CPPED1: variants seen among roughly 807,000 people sequenced by gnomAD.
The protein encoded by CPPED1 is calcineurin like phosphoesterase domain containing 1, also known as serine/threonine-protein phosphatase CPPED1.
CPPED1 carries 28 observed loss-of-function variants against 28.0 expected under a neutral mutation model. That is an observed-to-expected ratio of 1.00 (90% CI 0.74 to 1.37). The LOEUF is 1.37. CPPED1 is among the 40% of genes most tolerant of loss of function. CPPED1 has a pLI of 0.00. For synonymous variants in CPPED1, 198 were observed against 180.2 expected (o/e 1.10, Z -0.79); for missense variants, 504 against 416.5 (o/e 1.21, Z -1.83).
At chr16:12,686,601 G>C (rs1465358248) in intron 3 of CPPED1, among the ~76,000 whole-genome samples, 1 of 152,190 alleles carries the variant, frequency 6.6e-6, no homozygotes, top group Non-Finnish European at 1.5e-5. Context: ...CAGGTCCAAA[G>C]GCAGTGAGTG....
intron 2 of CPPED1, among the ~76,000 whole-genome samples, chr16:12,751,183 G>T (rs1283884055): frequency 1.3e-5 from 2 of 152,158 alleles, no homozygotes; most frequent in Non-Finnish European, 2.9e-5. Context: ...CTTACCTCTG[G>T]AGGGAAGCAG....
chr16:12,740,513 G>A (rs927913677), intron 2 of CPPED1, among the ~76,000 whole-genome samples: 2 of 151,796 alleles, frequency 1.3e-5, no homozygotes, highest in African/African-American at 4.8e-5. Context: ...TACCAATCAT[G>A]ACTAATTAGG....
intron 2 of CPPED1, among the ~76,000 whole-genome samples, chr16:12,722,643 T>C (rs561110740): frequency 1.3e-5 from 2 of 152,258 alleles, no homozygotes; most frequent in African/African-American, 2.4e-5. Context: ...GAGGCTCACC[T>C]GAGCCTGGGG....
At chr16:12,757,315 C>G (rs906297790) in intron 2 of CPPED1, among the ~76,000 whole-genome samples, 1 of 152,060 alleles carries the variant, frequency 6.6e-6, no homozygotes, top group Non-Finnish European at 1.5e-5. Context: ...AAGACAGATT[C>G]CAAAGCATAA....
At chr16:12,704,278 C>T (rs556205737) in intron 3 of CPPED1, among the ~76,000 whole-genome samples, 7 of 152,328 alleles carry the variant, frequency 4.6e-5, no homozygotes, top group Admixed American at 3.9e-4. Flanking sequence ...ATAAACCCCT[C>T]CTGCCACTTC....
At chr16:12,694,031 C>T (rs1044797090) in intron 3 of CPPED1, among the ~76,000 whole-genome samples, 4 of 152,102 alleles carry the variant, frequency 2.6e-5, no homozygotes, top group African/African-American at 9.7e-5. Context: ...CATGGTGAAA[C>T]CCTATAGCTT....
chr16:12,675,584 A>T (rs2079873766), intron 3 of CPPED1, among the ~76,000 whole-genome samples: 1 of 152,260 alleles, frequency 6.6e-6, no homozygotes, highest in African/African-American at 2.4e-5. Flanking sequence ...GGAAATTGAG[A>T]TGCAACCCAG....
chr16:12,714,250 G>A (rs1390055047), intron 2 of CPPED1, among the ~76,000 whole-genome samples: 1 of 152,158 alleles, frequency 6.6e-6, no homozygotes, highest in Non-Finnish European at 1.5e-5. Flanking sequence ...AAATCCACGT[G>A]CAAGTTTTTC....
rs78888065 is a variant in CPPED1 at position 12,794,420 on chromosome 16, A to G, written c.70+9287T>C. 8.6e-4 allele frequency among the ~76,000 whole-genome samples: 126 copies of G among 146,258 alleles called. 1 individual carries two copies. The highest frequency in any genetic ancestry group is 3.1e-3 in the African/African-American group (123 of 40,104). Reference sequence around the variant, plus strand: ...AGGGTATGCTAACAGTTGTTAAAGGAAAAAAAAAAAATAGTGTCCTTCAGG... The same window carrying G: ...AGGGTATGCTAACAGTTGTTAAAGGGAAAAAAAAAAATAGTGTCCTTCAGG... On this transcript the variant is annotated intron_variant, in intron 1 of 3. Transcript: ENST00000381774.
chr16:12,739,676 T>A (rs2080244231), intron 2 of CPPED1, among the ~76,000 whole-genome samples: 2 of 152,184 alleles, frequency 1.3e-5, no homozygotes, highest in Admixed American at 1.3e-4. Flanking sequence ...TCCTCCTTTT[T>A]CTCCCATTTT....
chr16:12,781,503 A>G (rs574917625), intron 1 of CPPED1, 100 bp from the exon 2 acceptor site: 4 of 989,658 alleles, frequency 4.0e-6, no homozygotes, highest in African/African-American at 3.3e-5. Flanking sequence ...TTTTTCTTAA[A>G]TTAAGTAGGT....
Position 12,728,543 on chromosome 16 carries a change from T to G in CPPED1, c.290-23494A>C, listed in dbSNP as rs147271910. 1.5e-3 allele frequency among the ~76,000 whole-genome samples: 225 copies of G among 151,764 alleles called. 1 individual carries two copies. Among genetic ancestry groups the G allele is most frequent in the African/African-American group, 5.1e-3 (212 of 41,368 alleles). ...AACATTTCCTGAGCTGCCCAGAAAG[T>G]CACTCTACAGAATAAATCATGAATA... On this transcript the variant is annotated intron_variant, in intron 2 of 3. Transcript: ENST00000381774.
Position 12,662,355 on chromosome 16 carries a change from G to C in CPPED1, c.*2531C>G, listed in dbSNP as rs1247304243. ...CTGCTGTTTGCTTACTTAAAAAGTGGTGAGAAATTAATATGATTCTCTCTT... is the reference window on the plus strand; with the variant it reads ...CTGCTGTTTGCTTACTTAAAAAGTGCTGAGAAATTAATATGATTCTCTCTT... On this transcript the variant is annotated 3_prime_UTR_variant, in exon 4 of 4. Coordinates refer to ENST00000381774, the MANE Select transcript of CPPED1 (RefSeq NM_018340.3). The C allele has an allele frequency of 6.6e-6, 1 of 152,164 alleles. No homozygotes were observed. Among genetic ancestry groups the C allele is most frequent in the East Asian group, 1.9e-4 (1 of 5,194 alleles). The allele number at this position is 152,164 out of a possible 1,614,324, so 9.4% of individuals were successfully genotyped here.
intron 2 of CPPED1, among the ~76,000 whole-genome samples, chr16:12,778,059 G>A (rs749403529): frequency 1.3e-5 from 2 of 151,522 alleles, no homozygotes; most frequent in Non-Finnish European, 1.5e-5. Context: ...ACAGGCCCAC[G>A]CCACCATGCT....
At chr16:12,736,355 C>T (rs1219432877) in intron 2 of CPPED1, among the ~76,000 whole-genome samples, 2 of 151,678 alleles carry the variant, frequency 1.3e-5, no homozygotes, top group Non-Finnish European at 2.9e-5. Flanking sequence ...GAGTGATTCT[C>T]ATACCTCCCG....
At chr16:12,803,585 C>G in intron 1 of CPPED1, 122 bp downstream of exon 1, 1 of 865,756 alleles carries the variant, frequency 1.2e-6, no homozygotes, top group East Asian at 3.3e-5. Context: ...TGGCGGCTCC[C>G]AGGCCCCGGT....
chr16:12,694,826 A>G (rs1168413191), intron 3 of CPPED1, among the ~76,000 whole-genome samples: 5 of 150,256 alleles, frequency 3.3e-5, no homozygotes, highest in African/African-American at 9.8e-5. Flanking sequence ...TACCCAGGCT[A>G]GAGTGCAGTG....
At chr16:12,718,344 G>C (rs1357964582) in intron 2 of CPPED1, among the ~76,000 whole-genome samples, 1 of 152,128 alleles carries the variant, frequency 6.6e-6, no homozygotes, top group African/African-American at 2.4e-5. Flanking sequence ...TTCGAGACCA[G>C]CTTGGCCAAC....
chr16:12,783,264 A>G (rs80317662), intron 1 of CPPED1, among the ~76,000 whole-genome samples: 18,462 of 152,202 alleles, frequency 0.12, 1,277 homozygotes, highest in African/African-American at 0.18. Flanking sequence ...TTGGGAGGCC[A>G]AGGCGGGCAG....
Sources: gnomAD v4.1 joint callset for allele counts (sites outside exome capture counted in the v4.1 genomes callset) on GRCh38, gnomAD v4.1.1 for gene constraint, MANE v1.5 for transcripts, NCBI Gene and HGNC (gene_info 2026-07-23, HGNC 2026-07-21) for gene names.